Variants in IQGAP1 observed in about 807,000 individuals in gnomAD.
IQGAP1 encodes ras GTPase-activating-like protein IQGAP1.
In IQGAP1, 66 loss-of-function variants were observed where a neutral mutation model predicts 215.6. The observed-to-expected ratio is 0.31, with a 90% CI of 0.25 to 0.38. IQGAP1 has a LOEUF of 0.38. Among genes scored for constraint, IQGAP1 ranks in the 10% least tolerant of loss-of-function variants. The pLI is 1.00. For missense variants in IQGAP1, 1,712 were observed against 1,997.1 expected, an observed-to-expected ratio of 0.86 and a Z score of 2.72; for synonymous variants, 772 against 728.7, an observed-to-expected ratio of 1.06 and a Z score of -0.96.
At chr15:90,488,386 T>C (rs1410395874) in intron 33 of IQGAP1, among the ~76,000 whole-genome samples, 1 of 151,070 alleles carries the variant, frequency 6.6e-6, no homozygotes, top group East Asian at 1.9e-4. Flanking sequence ...TTTTAAAATT[T>C]GTATTATTTT....
At chr15:90,432,195 A>G (rs1489255164) in intron 4 of IQGAP1, among the ~76,000 whole-genome samples, 2 of 152,108 alleles carry the variant, frequency 1.3e-5, no homozygotes, top group East Asian at 3.8e-4. Flanking sequence ...AACTAAATCT[A>G]CCTTTTCCCC....
chr15:90,465,877 T>G (rs1596280381), intron 15 of IQGAP1, 124 bp from the exon 16 acceptor site: 2 of 752,296 alleles, frequency 2.7e-6, no homozygotes, highest in East Asian at 5.4e-5. Flanking sequence ...CTAACCCACG[T>G]GTCTCATATT....
rs191945998 is a variant in IQGAP1, at chr15:90,420,942, C to T, written c.156-5168C>T. Among the ~76,000 whole-genome samples, 862 of 152,154 alleles carry T rather than the reference C, an allele frequency of 5.7e-3. 6 individuals are homozygous for T. Among genetic ancestry groups the T allele is most frequent in the African/African-American group, 0.02 (832 of 41,504 alleles). On this transcript the variant is annotated intron_variant, in intron 2 of 37. Transcript: ENST00000268182. Reference sequence around the variant, plus strand: ...CCAAGGTGGGCGGATCACTTGAGGTCAGGAGTTCAAGGCCAGCCCGGCCAA... The same window carrying T: ...CCAAGGTGGGCGGATCACTTGAGGTTAGGAGTTCAAGGCCAGCCCGGCCAA...
rs1828455663 is a variant in IQGAP1, at chr15:90,482,229, A to G, written c.3503A>G (p.Lys1168Arg). Residue 1168 changes from lysine to arginine, a missense_variant, in exon 28 of 38, where the codon AAG (lysine) becomes AGG (arginine). This residue lies in a region of IQGAP1 where 691 missense variants were observed against 923.0 expected (regional missense o/e 0.75). Coordinates refer to ENST00000268182, the MANE Select transcript of IQGAP1 (RefSeq NM_003870.4). ...YGMRFIAKVL[K>R]DSLHEKFPDA... is the part of the protein sequence containing the mutation. ...ATGCGCTTCATTGCCAAAGTGCTGA[A>G]GGACTCGTTGCATGAGAAGTTCCCT... The G allele has an allele frequency of 1.9e-6, 3 of 1,614,098 alleles. No homozygotes were observed. Among genetic ancestry groups the G allele is most frequent in the African/African-American group, 1.3e-5 (1 of 74,938 alleles).
chr15:90,404,558 C>T (rs886756668), intron 2 of IQGAP1, among the ~76,000 whole-genome samples: 1 of 151,994 alleles, frequency 6.6e-6, no homozygotes, highest in Admixed American at 6.6e-5. Context: ...GAAATTGGCT[C>T]GTTGTACACC....
chr15:90,402,657 T>C (rs1251592454), intron 2 of IQGAP1, among the ~76,000 whole-genome samples: 5 of 152,298 alleles, frequency 3.3e-5, no homozygotes, highest in South Asian at 2.1e-4. Context: ...CTTGGGATTA[T>C]TGATGAGCAA....
chr15:90,474,684 T>A lies in IQGAP1; in HGVS notation c.2775T>A (p.Ile925=). 6.2e-7 allele frequency: 1 copy of A among 1,612,626 alleles called. No homozygotes were observed. The change falls in exon 23 of 38, where the codon ATT becomes ATA. Residue 925 remains isoleucine, a synonymous_variant. Transcript: ENST00000268182. ...IKIGLLVKNK[I]TLQDVVSHSK... ...TTGGACTGCTAGTGAAAAATAAGAT[T>A]ACGTTGCAGGTATGGCCCAGTGCCA...
In IQGAP1 at chr15:90,477,095, T is replaced by C. The variant is rs1167644742; in HGVS notation, c.2969T>C (p.Ile990Thr). 1 of 1,614,124 alleles carries C rather than the reference T, an allele frequency of 6.2e-7. No homozygotes were observed. The highest frequency in any genetic ancestry group is 1.1e-5 in the South Asian group (1 of 91,076). The change falls in exon 25 of 38, where the codon ATT (isoleucine) becomes ACT (threonine). Residue 990 changes from isoleucine (I) to threonine (T), a missense_variant. Around this residue, in one of 2 missense-constraint regions of IQGAP1, gnomAD observed 691 missense variants for 923.0 expected, o/e 0.75. Transcript: ENST00000268182. ...QTNPTYLAKL[I>T]FQMPQNKSTK... Reference sequence around the variant, plus strand: ...AATCCCACCTATCTGGCCAAGCTCATTTTTCAGATGCCCCAGAACAAGTCC... The same window carrying C: ...AATCCCACCTATCTGGCCAAGCTCACTTTTCAGATGCCCCAGAACAAGTCC...
chr15:90,418,879 G>C (rs533298577), intron 2 of IQGAP1, among the ~76,000 whole-genome samples: 2 of 152,138 alleles, frequency 1.3e-5, no homozygotes, highest in Non-Finnish European at 2.9e-5. Context: ...CTGGTTCGTG[G>C]CTCACGCCTG....
intron 2 of IQGAP1, among the ~76,000 whole-genome samples, chr15:90,405,979 A>C (rs1024336853): frequency 3.3e-5 from 5 of 152,188 alleles, no homozygotes; most frequent in African/African-American, 1.2e-4. Context: ...ATAGAGCTTA[A>C]ATTAAAGCCA....
chr15:90,479,897 A>G (rs933674720), intron 26 of IQGAP1, among the ~76,000 whole-genome samples: 2 of 152,102 alleles, frequency 1.3e-5, no homozygotes, highest in African/African-American at 4.8e-5. Flanking sequence ...CAAGTGCAAT[A>G]CTTGTCTGGG....
chr15:90,425,963 A>T (rs2301827), intron 2 of IQGAP1, 147 bp from the exon 3 acceptor site: 123,204 of 664,266 alleles, frequency 0.19, 12,063 homozygotes, highest in African/African-American at 0.24. Flanking sequence ...CCAGGCAGGG[A>T]AAGGATGTGT....
At chr15:90,441,414 G>A in intron 7 of IQGAP1, 92 bp from the exon 8 acceptor site, 2 of 1,066,784 alleles carry the variant, frequency 1.9e-6, no homozygotes, top group Non-Finnish European at 2.7e-6. Context: ...CTCTAATGGG[G>A]GGTGCAATGT....
intron 15 of IQGAP1, among the ~76,000 whole-genome samples, chr15:90,465,592 C>T (rs573937838): frequency 2.0e-5 from 3 of 152,188 alleles, no homozygotes; most frequent in Admixed American, 6.5e-5. Flanking sequence ...GCAGCCTAAC[C>T]TCCTGGGCTC....
chr15:90,472,422 A>G (rs1965918512), intron 18 of IQGAP1, among the ~76,000 whole-genome samples: 1 of 151,946 alleles, frequency 6.6e-6, no homozygotes. Context: ...TTCAGTCCTC[A>G]CCTCTGGTCT....
At chr15:90,440,179 T>C (rs1006534853) in intron 6 of IQGAP1, among the ~76,000 whole-genome samples, 2 of 152,244 alleles carry the variant, frequency 1.3e-5, no homozygotes, top group African/African-American at 4.8e-5. Context: ...GATTCACTTA[T>C]TGTTGAGCTC....
At position 90,491,874 on chromosome 15, in the gene IQGAP1, G is replaced by A. The variant is rs967422942; in HGVS notation, c.4461+329G>A. Among the ~76,000 whole-genome samples, 4 of 152,176 alleles carry A rather than the reference G, an allele frequency of 2.6e-5. 1 individual carries two copies. The highest frequency in any genetic ancestry group is 6.5e-5 in the Admixed American group (1 of 15,270). ...ATCAAGCTGATTAAATCGTTGATTT[G>A]TATGAATCATCTCAAGCGAGGGGCT... On this transcript the variant is annotated intron_variant, in intron 34 of 37. Coordinates refer to ENST00000268182, the MANE Select transcript of IQGAP1 (RefSeq NM_003870.4).
rs756199960 is a variant in IQGAP1, at chr15:90,388,356, C to G, written c.15C>G (p.Asp5Glu). Residue 5 changes from aspartate to glutamate, a missense_variant, in exon 1 of 38, where the codon GAC (aspartate) becomes GAG (glutamate). By Grantham distance (45) the Asp-to-Glu change is conservative. Coordinates refer to ENST00000268182, the MANE Select transcript of IQGAP1 (RefSeq NM_003870.4). MSAADEVDGLGVARP... is the reference protein window; with the variant it reads MSAAEEVDGLGVARP... The stretch of plus-strand genomic sequence containing the variant: ...GCTCGTCCGCCATGTCCGCCGCAGA[C>G]GAGGTTGACGGGCTGGGCGTGGCCC... 2.3e-5 allele frequency: 36 copies of G among 1,594,860 alleles called. No homozygotes were observed. In the Admixed American group the frequency reaches 4.2e-4, roughly 19 times the overall value.
chr15:90,494,960 T>C (rs1282230963), intron 36 of IQGAP1, 125 bp downstream of exon 36: 2 of 623,016 alleles, frequency 3.2e-6, no homozygotes, highest in Non-Finnish European at 5.4e-6. Flanking sequence ...ATTTATATAT[T>C]TTTATGTGTA....
Sources: gnomAD v4.1 joint callset for allele counts (sites outside exome capture counted in the v4.1 genomes callset) on GRCh38, gnomAD v4.1.1 for gene constraint, gnomAD v4.1.1 regional missense constraint, MANE v1.5 for transcripts, NCBI Gene and HGNC (gene_info 2026-07-23, HGNC 2026-07-21) for gene names.